The following AGO2 variants were observed in gnomAD, a reference collection of about 807,000 sequenced individuals.
AGO2 encodes protein argonaute-2.
Under a neutral mutation model 102.3 loss-of-function variants are expected in AGO2, and 5 were observed. That is an observed-to-expected ratio of 0.05 (90% CI 0.03 to 0.10). The LOEUF (loss-of-function observed/expected upper bound fraction) is 0.10, where lower values mean the gene tolerates loss of function less well. AGO2 is among the 10% of genes least tolerant of loss of function. The pLI, the probability that AGO2 is intolerant of heterozygous loss-of-function variation, is 1.00. For synonymous variants in AGO2, 449 were observed against 473.1 expected, an observed-to-expected ratio of 0.95 and a Z score of 0.66; for missense variants, 541 against 1,183.7, an observed-to-expected ratio of 0.46 and a Z score of 7.97.
At chr8:140,560,149 C>T (rs970994794) in intron 5 of AGO2, among the ~76,000 whole-genome samples, 4 of 152,236 alleles carry the variant, frequency 2.6e-5, no homozygotes, top group African/African-American at 9.6e-5. Context: ...CCCCTGACCA[C>T]AGCCTCTGAG....
At chr8:140,590,295 CTG>C (rs2073728739) in intron 1 of AGO2, among the ~76,000 whole-genome samples, 1 of 152,220 alleles carries the variant, frequency 6.6e-6, no homozygotes, top group Non-Finnish European at 1.5e-5. Context: ...CCCCCCAGAT[CTG>C]TGAGGACACA....
rs531151749 is a variant in AGO2 at position 140,552,066 on chromosome 8, G to A, written c.1270-630C>T. On this transcript the variant is annotated intron_variant, in intron 10 of 18. Transcript: ENST00000220592. ...CTCCATCCAACCTCATGAGCAGCCT[G>A]GAGGAAGAGAAGTGCCTTGCCATGC... Among the ~76,000 whole-genome samples, 97 of 152,354 alleles carry A rather than the reference G, an allele frequency of 6.4e-4. 1 individual carries two copies. Among genetic ancestry groups the A allele is most frequent in the African/African-American group, 2.2e-3 (93 of 41,576 alleles).
intron 1 of AGO2, among the ~76,000 whole-genome samples, chr8:140,624,829 C>G (rs1023492746): frequency 6.6e-6 from 1 of 152,254 alleles, no homozygotes; most frequent in Non-Finnish European, 1.5e-5. Context: ...CCACTGGGAT[C>G]TGCAATGAGA....
chr8:140,620,489 G>T (rs771644705), intron 1 of AGO2, among the ~76,000 whole-genome samples: 1 of 152,238 alleles, frequency 6.6e-6, no homozygotes. Flanking sequence ...GACAGGATGA[G>T]TGATGGCCAC....
chr8:140,606,328 C>A (rs1183190200), intron 1 of AGO2, among the ~76,000 whole-genome samples: 1 of 152,242 alleles, frequency 6.6e-6, no homozygotes, highest in African/African-American at 2.4e-5. Flanking sequence ...AAGCGAGGAG[C>A]ATGCAGTTCA....
chr8:140,632,906 CTTT>C (rs56679517), intron 1 of AGO2, among the ~76,000 whole-genome samples: 1 of 142,612 alleles, frequency 7.0e-6, no homozygotes, highest in African/African-American at 2.6e-5. Context: ...TTTTTCTTTT[CTTT>C]TTTTTTTTTT....
Position 140,594,804 on chromosome 8 carries a change from G to A in AGO2, c.23-9493C>T, listed in dbSNP as rs187195445. Among the ~76,000 whole-genome samples, 170 of 112,900 alleles carry A rather than the reference G, an allele frequency of 1.5e-3. 1 individual carries two copies. In the Middle Eastern group the frequency reaches 0.029, roughly 19 times the overall value. 74.1% of individuals were successfully genotyped at this position (112,900 alleles called of 152,430 possible). A position where few individuals can be genotyped will look rare whatever the true frequency, so the allele number is the denominator to read the frequency against. On this transcript the variant is annotated intron_variant, in intron 1 of 18. Coordinates refer to ENST00000220592, the MANE Select transcript of AGO2 (RefSeq NM_012154.5). ...AGCCTGGCTGACACAGTGAGAACCC[G>A]TCTCGACGGAAAGAAAAAAACTGTG...
Position 140,534,140 on chromosome 8 carries a change from C to T in AGO2, c.2271+1328G>A, listed in dbSNP as rs1324402618. On this transcript the variant is annotated intron_variant, in intron 17 of 18. Coordinates refer to ENST00000220592, the MANE Select transcript of AGO2 (RefSeq NM_012154.5). ...TGCTCCACCGCACATGCTCCGGCAC[C>T]CCTTTCCTGGCGTGTGACTGGTGGC... 2.6e-5 allele frequency among the ~76,000 whole-genome samples: 4 copies of T among 152,338 alleles called. No homozygotes were observed. In the East Asian group the frequency reaches 5.8e-4, roughly 22 times the overall value.
intron 5 of AGO2, among the ~76,000 whole-genome samples, chr8:140,560,012 G>A (rs1244354400): frequency 4.6e-5 from 7 of 152,268 alleles, no homozygotes; most frequent in African/African-American, 1.2e-4. Flanking sequence ...AGAGGGCAGC[G>A]GATGTCCTGC....
At chr8:140,549,410 T>G in intron 11 of AGO2, 112 bp from the exon 12 acceptor site, 2 of 1,096,966 alleles carry the variant, frequency 1.8e-6, no homozygotes, top group Non-Finnish European at 2.6e-6. Context: ...AGCACTTTCA[T>G]TGAGGTCAAA....
At chr8:140,558,874 T>A (rs769772343) in intron 6 of AGO2, among the ~76,000 whole-genome samples, 1 of 152,162 alleles carries the variant, frequency 6.6e-6, no homozygotes, top group Non-Finnish European at 1.5e-5. Flanking sequence ...TGGATGGCCC[T>A]GCAAATGGCC....
At chr8:140,577,292 A>ATTAT (rs1167021110) in intron 2 of AGO2, among the ~76,000 whole-genome samples, 3 of 151,788 alleles carry the variant, frequency 2.0e-5, no homozygotes, top group African/African-American at 7.3e-5. Flanking sequence ...TAATGATTCC[A>ATTAT]CGTATAGGAA....
At chr8:140,587,237 G>A (rs1564102112) in intron 1 of AGO2, among the ~76,000 whole-genome samples, 1 of 152,320 alleles carries the variant, frequency 6.6e-6, no homozygotes, top group South Asian at 2.1e-4. Flanking sequence ...GTGAATAAAG[G>A]CAATGGGAAA....
At chr8:140,588,917 G>A (rs1294957074) in intron 1 of AGO2, among the ~76,000 whole-genome samples, 3 of 152,220 alleles carry the variant, frequency 2.0e-5, no homozygotes, top group Admixed American at 2.0e-4. Flanking sequence ...CAGCACATTT[G>A]TTTAAGATTC....
chr8:140,634,800 C>A (rs770626662), intron 1 of AGO2, among the ~76,000 whole-genome samples: 7 of 152,306 alleles, frequency 4.6e-5, no homozygotes, highest in Non-Finnish European at 7.4e-5. Context: ...CGGGGAGCCG[C>A]GTCCTCCCCT....
chr8:140,619,668 G>A (rs2074190961), intron 1 of AGO2, among the ~76,000 whole-genome samples: 1 of 152,228 alleles, frequency 6.6e-6, no homozygotes, highest in East Asian at 1.9e-4. Context: ...CACACATGAG[G>A]GCTGCGGTCA....
At chr8:140,545,243 C>G (rs1027466919) in intron 13 of AGO2, among the ~76,000 whole-genome samples, 2 of 152,188 alleles carry the variant, frequency 1.3e-5, no homozygotes, top group Non-Finnish European at 2.9e-5. Context: ...CAGGCCCCTT[C>G]TAGTCAGACT....
At chr8:140,535,683 A>G in intron 16 of AGO2, 114 bp from the exon 17 acceptor site, 1 of 908,274 alleles carries the variant, frequency 1.1e-6, no homozygotes, top group Non-Finnish European at 1.8e-6. Flanking sequence ...AAGTTTTTAA[A>G]TTGGCTAATA....
At chr8:140,635,329 G>T (rs2074392652) in intron 1 of AGO2, among the ~76,000 whole-genome samples, 156 bp downstream of exon 1, 2 of 145,878 alleles carry the variant, frequency 1.4e-5, no homozygotes, top group South Asian at 4.2e-4. Flanking sequence ...CGCTCCTCGA[G>T]CCCCCAAGCG....
Sources: allele counts gnomAD v4.1 joint callset (sites outside exome capture counted in the v4.1 genomes callset), GRCh38; gene constraint gnomAD v4.1.1; transcripts MANE v1.5; gene names NCBI Gene and HGNC (gene_info 2026-07-23, HGNC 2026-07-21).